DAAM2: variants seen among roughly 807,000 people sequenced by gnomAD.
The protein encoded by DAAM2 is disheveled-associated activator of morphogenesis 2.
Under a neutral mutation model 120.7 loss-of-function variants are expected in DAAM2, and 39 were observed. The ratio of observed to expected loss-of-function variants is 0.32; its 90% confidence interval spans 0.25 to 0.42. DAAM2 has a LOEUF of 0.42. DAAM2 is among the 10% of genes least tolerant of loss of function. DAAM2 has a pLI of 1.00. For synonymous variants in DAAM2, 488 were observed against 524.9 expected, an observed-to-expected ratio of 0.93 and a Z score of 0.96; for missense variants, 1,283 against 1,401.7, an observed-to-expected ratio of 0.92 and a Z score of 1.35.
intron 1 of DAAM2, among the ~76,000 whole-genome samples, chr6:39,807,573 A>G (rs931703094): frequency 6.6e-6 from 1 of 152,084 alleles, no homozygotes; most frequent in African/African-American, 2.4e-5. Flanking sequence ...CAGGAGTGCA[A>G]TGGCGTGACC....
intron 3 of DAAM2, chr6:39,861,416 C>T (rs1195822086): frequency 5.7e-6 from 2 of 350,376 alleles, no homozygotes; most frequent in Non-Finnish European, 1.1e-5. Flanking sequence ...TCTTTAGTCT[C>T]CACTCTGTCC....
intron 1 of DAAM2, among the ~76,000 whole-genome samples, chr6:39,803,332 C>T (rs1005152894): frequency 6.6e-6 from 1 of 152,190 alleles, no homozygotes; most frequent in Non-Finnish European, 1.5e-5. Context: ...CTCAATAGTG[C>T]AGAGGCTTGA....
intron 1 of DAAM2, among the ~76,000 whole-genome samples, chr6:39,812,161 G>C (rs1762182921): frequency 6.6e-6 from 1 of 152,132 alleles, no homozygotes; most frequent in South Asian, 2.1e-4. Flanking sequence ...CCACTCCCTG[G>C]CCAGACCCAC....
intron 1 of DAAM2, among the ~76,000 whole-genome samples, chr6:39,826,239 T>A (rs866634281): frequency 6.6e-6 from 1 of 151,992 alleles, no homozygotes; most frequent in South Asian, 2.1e-4. Flanking sequence ...TATAACTAGT[T>A]CAAATAACTG....
rs71694195 is a variant in DAAM2 at position 39,896,038 on chromosome 6, AT to A, written c.2342-766del. ...TAATTTAGAATATGTTATTTAATTGATTTTTTTTCTTTCCAAAAAACCAATA... is the reference window on the plus strand; with the variant it reads ...TAATTTAGAATATGTTATTTAATTGATTTTTTTCTTTCCAAAAAACCAATA... On this transcript the variant is annotated intron_variant, in intron 19 of 24. Transcript: ENST00000274867. Among the ~76,000 whole-genome samples the A allele has an allele frequency of 1.6e-4, 25 of 151,954 alleles. 2 individuals are homozygous for A. In the South Asian group the frequency reaches 5.2e-3, roughly 32 times the overall value.
rs1345705291 is a variant in DAAM2, at chr6:39,878,390, C to T, written c.1361-14C>T. 1.9e-6 allele frequency: 3 copies of T among 1,610,720 alleles called. No homozygotes were observed. The highest frequency in any genetic ancestry group is 2.5e-6 in the Non-Finnish European group (3 of 1,178,212). On this transcript the variant is annotated splice_polypyrimidine_tract_variant and intron_variant, in intron 12 of 24. Coordinates refer to ENST00000274867, the MANE Select transcript of DAAM2 (RefSeq NM_001201427.2). The surrounding 1 kb of genome is among the most constrained non-coding windows in gnomAD (Gnocchi z 5.0). ...TCTCCTTCTGTTTCCTCTCCCGTCCCACCCCCATTCCAGAACACATGGAGC... is the reference window on the plus strand; with the variant it reads ...TCTCCTTCTGTTTCCTCTCCCGTCCTACCCCCATTCCAGAACACATGGAGC...
chr6:39,800,246 C>T (rs748480214), intron 1 of DAAM2, among the ~76,000 whole-genome samples: 30 of 152,156 alleles, frequency 2.0e-4, no homozygotes, highest in Non-Finnish European at 1.6e-4. Flanking sequence ...GGCTGCGTGA[C>T]GGATGTACAC....
chr6:39,794,739 A>C (rs1483318376), intron 1 of DAAM2, among the ~76,000 whole-genome samples: 1 of 152,242 alleles, frequency 6.6e-6, no homozygotes, highest in Non-Finnish European at 1.5e-5. Context: ...GGTGTAAAGA[A>C]TGAAGATAAA....
At chr6:39,876,763 CTGTG>C (rs1375097232) in intron 11 of DAAM2, among the ~76,000 whole-genome samples, 1 of 151,610 alleles carries the variant, frequency 6.6e-6, no homozygotes, top group Admixed American at 6.6e-5. Flanking sequence ...GCACATATGT[CTGTG>C]TGTGATATTT....
At chr6:39,822,693 A>G (rs1025379208) in intron 1 of DAAM2, 2 of 152,246 alleles carry the variant, frequency 1.3e-5, no homozygotes, top group African/African-American at 2.4e-5. Flanking sequence ...CCTTTCCTTA[A>G]AGATGCAGGG....
Position 39,879,302 on chromosome 6 carries a change from C to CCCCCCCCCTTCCT in DAAM2, c.1670_1671insCCCCCCCCTTCCT (p.Pro562ThrfsTer33). 1 of 1,524,636 alleles carries CCCCCCCCCTTCCT rather than the reference C, an allele frequency of 6.6e-7. No individual in the cohort carries two copies. The highest frequency in any genetic ancestry group is 9.0e-7 in the Non-Finnish European group (1 of 1,113,906). The allele number at this position is 1,524,636 out of a possible 1,614,324, so 94.4% of individuals were successfully genotyped here. A position where few individuals can be genotyped will look rare whatever the true frequency, so the allele number is the denominator to read the frequency against. ...TTTGCCTGTTGTCCCCCTCCCCCAC[C>CCCCCCCCCTTCCT]ACCACCCCTTCCTCCCGGGGGACCC... On this transcript the variant is annotated frameshift_variant, in exon 14 of 25. Transcript: ENST00000274867. LOFTEE classifies it high-confidence loss of function.
chr6:39,829,225 CCA>C lies in DAAM2; in HGVS notation c.-56-27017_-56-27016del, dbSNP rs564816269. On this transcript the variant is annotated intron_variant, in intron 1 of 24. Coordinates refer to ENST00000274867, the MANE Select transcript of DAAM2 (RefSeq NM_001201427.2). ...GGGCCTGGGGAGCGGGCTGTGTGTT[CCA>C]CACAGGGTGTGTGGATGGGCCTGCA... is the stretch of plus-strand genomic sequence containing the variant. 2.3e-3 allele frequency among the ~76,000 whole-genome samples: 343 copies of C among 152,320 alleles called. 3 individuals are homozygous for C. Among genetic ancestry groups the C allele is most frequent in the African/African-American group, 7.6e-3 (314 of 41,570 alleles).
At chr6:39,882,306 C>G (rs1330193916) in intron 14 of DAAM2, 1 of 152,076 alleles carries the variant, frequency 6.6e-6, no homozygotes, top group East Asian at 1.9e-4. Context: ...CTGGCAGATG[C>G]TGGAAGCTGG....
chr6:39,837,834 A>G (rs1386360629), intron 1 of DAAM2, among the ~76,000 whole-genome samples: 3 of 152,108 alleles, frequency 2.0e-5, no homozygotes, highest in South Asian at 2.1e-4. Flanking sequence ...TTACAGAGTT[A>G]TTGCTGAATT....
intron 2 of DAAM2, among the ~76,000 whole-genome samples, chr6:39,860,073 T>C (rs1764150550): frequency 6.6e-6 from 1 of 152,230 alleles, no homozygotes; most frequent in Non-Finnish European, 1.5e-5. Context: ...TGATTAGCCC[T>C]GGCATTGCTC....
intron 10 of DAAM2, among the ~76,000 whole-genome samples, chr6:39,874,996 A>C (rs1416708248): frequency 6.6e-6 from 1 of 152,178 alleles, no homozygotes; most frequent in Admixed American, 6.5e-5. Flanking sequence ...TGGTTTTTAT[A>C]GATAATGTAA....
At chr6:39,873,033 T>C (rs1582712202) in intron 9 of DAAM2, among the ~76,000 whole-genome samples, 1 of 152,304 alleles carries the variant, frequency 6.6e-6, no homozygotes, top group East Asian at 1.9e-4. Flanking sequence ...AAGATGCCAA[T>C]AGTGCTGAGA....
chr6:39,900,203 G>T lies in DAAM2; in HGVS notation c.2806G>T (p.Asp936Tyr), dbSNP rs1450272491. ...ELEDQLNEAR[D>Y]KFAKALMHFG... is the part of the protein sequence containing the mutation. ...GGAGGACCAGCTAAATGAGGCCAGG[G>T]ACAAGGTAAGGGTGCCCCAACCCCC... The change falls in exon 23 of 25, where the codon GAC (aspartate) becomes TAC (tyrosine). Residue 936 changes from aspartate to tyrosine, a missense_variant. Transcript: ENST00000274867. The T allele has an allele frequency of 6.2e-7, 1 of 1,609,864 alleles. No homozygotes were observed. Among genetic ancestry groups the T allele is most frequent in the Non-Finnish European group, 8.5e-7 (1 of 1,178,304 alleles).
At chr6:39,863,541 T>A (rs975374582) in intron 3 of DAAM2, among the ~76,000 whole-genome samples, 6 of 152,060 alleles carry the variant, frequency 3.9e-5, no homozygotes, top group Non-Finnish European at 8.8e-5. Context: ...TAAGTTTTCA[T>A]GCCGATTTGG....
Sources: gnomAD v4.1 joint callset for allele counts (sites outside exome capture counted in the v4.1 genomes callset) on GRCh38, gnomAD v4.1.1 for gene constraint, Gnocchi (gnomAD v3.1) non-coding constraint, MANE v1.5 for transcripts, NCBI Gene and HGNC (gene_info 2026-07-23, HGNC 2026-07-21) for gene names.